The following GPHN variants were observed in gnomAD, a reference collection of about 807,000 sequenced individuals.
GPHN encodes the protein gephyrin.
GPHN carries 17 observed loss-of-function variants against 95.5 expected under a neutral mutation model. The observed-to-expected ratio is 0.18, with a 90% CI of 0.12 to 0.27. The LOEUF is 0.27. Ranked by LOEUF, GPHN falls within the 10% of genes least tolerant of loss-of-function variation. The pLI, the probability that GPHN is intolerant of heterozygous loss-of-function variation, is 1.00. For missense variants in GPHN, 660 were observed against 978.1 expected (o/e 0.67, Z 4.34); for synonymous variants, 320 against 322.5 (o/e 0.99, Z 0.08).
chr14:67,561,156 T>A, the GPHN span, among the ~76,000 whole-genome samples: 232 of 152,284 alleles, frequency 1.5e-3, 1 homozygote, highest in African/African-American at 5.2e-3. Context: ...AGACTGCAAG[T>A]TCTTGGAGAC....
intron 9 of GPHN, among the ~76,000 whole-genome samples, chr14:67,022,865 T>C (rs566019926): frequency 6.6e-6 from 1 of 152,074 alleles, no homozygotes; most frequent in African/African-American, 2.4e-5. Context: ...TAACAACATG[T>C]TAATGACATG....
chr14:66,885,963 C>T (rs1404237712), intron 5 of GPHN, among the ~76,000 whole-genome samples: 1 of 151,670 alleles, frequency 6.6e-6, no homozygotes, highest in Non-Finnish European at 1.5e-5. Flanking sequence ...AAAGTATGAT[C>T]CATTCAAATG....
intron 1 of GPHN, among the ~76,000 whole-genome samples, chr14:66,528,202 C>T (rs2058768666): frequency 6.6e-6 from 1 of 152,180 alleles, no homozygotes; most frequent in South Asian, 2.1e-4. Context: ...GCATTGATCC[C>T]TTTACCATTA....
chr14:66,593,226 A>G (rs563090125), intron 1 of GPHN, among the ~76,000 whole-genome samples: 2 of 152,086 alleles, frequency 1.3e-5, no homozygotes, highest in South Asian at 4.1e-4. Context: ...GCAGCAAACC[A>G]CCATAGCATG....
At chr14:66,691,013 T>C (rs1335356065) in intron 2 of GPHN, among the ~76,000 whole-genome samples, 2 of 152,024 alleles carry the variant, frequency 1.3e-5, no homozygotes, top group Admixed American at 1.3e-4. Context: ...AACCCAAAGA[T>C]TTTTATTTAG....
At chr14:66,788,004 A>C (rs896845380) in intron 3 of GPHN, among the ~76,000 whole-genome samples, 4 of 152,198 alleles carry the variant, frequency 2.6e-5, no homozygotes, top group Non-Finnish European at 5.9e-5. Flanking sequence ...GCTCATCAAC[A>C]TAAAAAAATT....
chr14:67,208,231 G>A, the GPHN span: 1 of 1,613,866 alleles, frequency 6.2e-7, no homozygotes, highest in Non-Finnish European at 8.5e-7. Context: ...TGAAGCCTGG[G>A]TGTTTACAAG....
chr14:67,336,512 C>A, the GPHN span: 1 of 305,020 alleles, frequency 3.3e-6, no homozygotes, highest in South Asian at 2.9e-5. Flanking sequence ...GGTCCTTTGG[C>A]TTGTTGCTTT....
At chr14:66,791,486 A>G (rs1020975449) in intron 3 of GPHN, among the ~76,000 whole-genome samples, 2 of 152,268 alleles carry the variant, frequency 1.3e-5, no homozygotes, top group Admixed American at 6.5e-5. Context: ...TCTTGATTAT[A>G]TGCTAAGTAA....
At chr14:67,056,434 T>A (rs1284794718) in intron 10 of GPHN, among the ~76,000 whole-genome samples, 1 of 151,882 alleles carries the variant, frequency 6.6e-6, no homozygotes, top group South Asian at 2.1e-4. Context: ...CTGATTGGTG[T>A]GTTTATAATC....
At chr14:66,975,953 C>G (rs940228176) in intron 9 of GPHN, among the ~76,000 whole-genome samples, 1 of 152,062 alleles carries the variant, frequency 6.6e-6, no homozygotes, top group East Asian at 1.9e-4. Context: ...ATTAAATAAC[C>G]TCTAAAGTCC....
intron 2 of GPHN, among the ~76,000 whole-genome samples, chr14:66,732,276 A>C (rs1316197359): frequency 6.6e-6 from 1 of 152,238 alleles, no homozygotes; most frequent in East Asian, 1.9e-4. Flanking sequence ...GAAAAGCCAC[A>C]GGTACTCAAT....
chr14:67,473,406 C>A, the GPHN span: 3 of 1,610,700 alleles, frequency 1.9e-6, no homozygotes, highest in African/African-American at 2.7e-5. The surrounding 1 kb of genome is among the most constrained non-coding windows in gnomAD (Gnocchi z 6.5). Context: ...CCAGGCCCCC[C>A]ACCCGCTTCC....
intron 1 of GPHN, among the ~76,000 whole-genome samples, chr14:66,585,513 C>T (rs1412577275): frequency 2.6e-5 from 4 of 152,160 alleles, no homozygotes; most frequent in African/African-American, 7.2e-5. Context: ...CCTGCTTTCT[C>T]TTGTGGGCAT....
At chr14:67,706,428 G>T in the GPHN span, among the ~76,000 whole-genome samples, 1 of 152,268 alleles carries the variant, frequency 6.6e-6, no homozygotes, top group South Asian at 2.1e-4. Context: ...TGTCCAAGGT[G>T]GTCAGAACAC....
At chr14:67,735,231 C>A in the GPHN span, 9 of 1,437,642 alleles carry the variant, frequency 6.3e-6, no homozygotes, top group Non-Finnish European at 8.8e-6. Flanking sequence ...TGTTCAGGTG[C>A]TCCCACGAGA....
At chr14:66,592,470 ACC>A (rs36198474) in intron 1 of GPHN, among the ~76,000 whole-genome samples, 3 of 119,684 alleles carry the variant, frequency 2.5e-5, no homozygotes, top group South Asian at 6.9e-4. Context: ...AAAAAAAAAA[ACC>A]CCGTCAAGAA....
the GPHN span, chr14:67,580,959 TG>T: frequency 6.2e-7 from 1 of 1,612,804 alleles, no homozygotes; most frequent in Non-Finnish European, 8.5e-7. Context: ...CATCTCCAAG[TG>T]GGAACAAGCC....
the GPHN span, among the ~76,000 whole-genome samples, chr14:67,236,435 A>G: frequency 5.3e-5 from 8 of 151,950 alleles, no homozygotes; most frequent in African/African-American, 1.7e-4. Context: ...CTTGTATTTT[A>G]TTTGTCTTAT....
Sources: allele counts gnomAD v4.1 joint callset (sites outside exome capture counted in the v4.1 genomes callset), GRCh38; gene constraint gnomAD v4.1.1; non-coding constraint Gnocchi (gnomAD v3.1); transcripts MANE v1.5; gene names NCBI Gene and HGNC (gene_info 2026-07-23, HGNC 2026-07-21).